Variants in NKAIN2 observed in about 807,000 individuals in gnomAD.
The protein encoded by NKAIN2 is sodium/potassium transporting ATPase interacting 2, also known as sodium/potassium-transporting ATPase subunit beta-1-interacting protein 2.
Under a neutral mutation model 32.6 loss-of-function variants are expected in NKAIN2, and 14 were observed. The observed-to-expected ratio is 0.43, with a 90% confidence interval of 0.28 to 0.67. NKAIN2 has a LOEUF of 0.67. Ranked by LOEUF, NKAIN2 falls within the 30% of genes least tolerant of loss-of-function variation. The pLI is 0.17. For synonymous variants in NKAIN2, 80 were observed against 87.2 expected, an observed-to-expected ratio of 0.92 and a Z score of 0.46; for missense variants, 198 against 258.3, an observed-to-expected ratio of 0.77 and a Z score of 1.60.
At chr6:124,675,086 C>T (rs575685109) in intron 4 of NKAIN2, among the ~76,000 whole-genome samples, 1 of 152,030 alleles carries the variant, frequency 6.6e-6, no homozygotes, top group Admixed American at 6.5e-5. Context: ...TGAATTTTGT[C>T]AAATGCTTTT....
chr6:124,027,202 C>T (rs1337760679), intron 1 of NKAIN2, among the ~76,000 whole-genome samples: 2 of 150,564 alleles, frequency 1.3e-5, no homozygotes, highest in Non-Finnish European at 2.9e-5. Context: ...TGCAATAGCA[C>T]GATCTCAGCT....
chr6:124,398,093 A>T (rs1773465722), intron 3 of NKAIN2, among the ~76,000 whole-genome samples: 1 of 151,268 alleles, frequency 6.6e-6, no homozygotes, highest in Non-Finnish European at 1.5e-5. Flanking sequence ...CTGTACTAAA[A>T]CTACAAAAAA....
chr6:124,619,032 G>GA lies in NKAIN2; in HGVS notation c.274-39144dup, dbSNP rs112152334. 1.3e-3 allele frequency among the ~76,000 whole-genome samples: 193 copies of GA among 146,964 alleles called. 1 individual carries two copies. Among genetic ancestry groups the GA allele is most frequent in the African/African-American group, 3.7e-3 (150 of 40,126 alleles). ...CTAAATCTAAGGTTTCCACAAAATT[G>GA]AAAAAAAAAATCACTCTCCTCCCAA... is the stretch of plus-strand genomic sequence containing the variant. On this transcript the variant is annotated intron_variant, in intron 3 of 6. Coordinates refer to ENST00000368417, the MANE Select transcript of NKAIN2 (RefSeq NM_001040214.3).
At chr6:124,139,759 A>C (rs944253760) in intron 1 of NKAIN2, among the ~76,000 whole-genome samples, 1 of 152,166 alleles carries the variant, frequency 6.6e-6, no homozygotes, top group Non-Finnish European at 1.5e-5. Context: ...TTTTCATGTC[A>C]TTCTTCCTTA....
At chr6:123,913,880 A>G (rs1268795832) in intron 1 of NKAIN2, among the ~76,000 whole-genome samples, 2 of 152,150 alleles carry the variant, frequency 1.3e-5, no homozygotes, top group Admixed American at 6.6e-5. Flanking sequence ...TAATATCATA[A>G]TTCTTCCCAT....
chr6:124,519,118 G>A (rs1779030580), intron 3 of NKAIN2, among the ~76,000 whole-genome samples: 1 of 152,148 alleles, frequency 6.6e-6, no homozygotes, highest in Admixed American at 6.5e-5. Context: ...CACTACTTGT[G>A]AGATCAGTTA....
Position 124,823,320 on chromosome 6 carries a change from T to A in NKAIN2, c.*91T>A. 1.2e-6 allele frequency: 1 copy of A among 862,564 alleles called. No individual in the cohort carries two copies. 53.4% of individuals were successfully genotyped at this position (862,564 alleles called of 1,614,324 possible). A position where few individuals can be genotyped will look rare whatever the true frequency, so the allele number is the denominator to read the frequency against. On this transcript the variant is annotated 3_prime_UTR_variant, in exon 7 of 7. Coordinates refer to ENST00000368417, the MANE Select transcript of NKAIN2 (RefSeq NM_001040214.3). ...CATTTCATGAAGAGCAAGAAGCAAC[T>A]GAGTTTAAATACATACACGTATTAA...
chr6:124,648,892 A>G (rs1404914941), intron 3 of NKAIN2, among the ~76,000 whole-genome samples: 3 of 152,228 alleles, frequency 2.0e-5, no homozygotes, highest in Non-Finnish European at 4.4e-5. Flanking sequence ...TAAATAGCAC[A>G]TGGGTCAAGA....
intron 6 of NKAIN2, among the ~76,000 whole-genome samples, chr6:124,820,493 A>C (rs1221229407): frequency 6.6e-6 from 1 of 152,234 alleles, no homozygotes; most frequent in Non-Finnish European, 1.5e-5. Flanking sequence ...AATAAACATA[A>C]TTCATTAGTG....
At chr6:124,558,193 C>CT (rs975059097) in intron 3 of NKAIN2, among the ~76,000 whole-genome samples, 14 of 152,100 alleles carry the variant, frequency 9.2e-5, no homozygotes, top group Admixed American at 6.5e-4. Context: ...AGACAGAATG[C>CT]TTTTTTTCCT....
intron 3 of NKAIN2, among the ~76,000 whole-genome samples, chr6:124,366,025 A>G (rs1799501776): frequency 6.6e-6 from 1 of 152,110 alleles, no homozygotes; most frequent in Admixed American, 6.6e-5. Context: ...AGATATTAAA[A>G]GAGTAGAAAT....
At chr6:124,001,887 A>G (rs1324834372) in intron 1 of NKAIN2, among the ~76,000 whole-genome samples, 1 of 150,046 alleles carries the variant, frequency 6.7e-6, no homozygotes, top group Non-Finnish European at 1.5e-5. Context: ...GAGGAACATT[A>G]TTTGCCATGC....
At chr6:124,736,972 AG>A (rs1210079057) in intron 4 of NKAIN2, among the ~76,000 whole-genome samples, 3 of 152,008 alleles carry the variant, frequency 2.0e-5, no homozygotes, top group Admixed American at 6.6e-5. Context: ...TGAAGGAGTT[AG>A]GCAAAGTAAA....
intron 3 of NKAIN2, among the ~76,000 whole-genome samples, chr6:124,474,845 ATATATACATATATATTT>A (rs201463807): frequency 3.7e-4 from 22 of 58,950 alleles, no homozygotes; most frequent in Admixed American, 7.7e-4. Flanking sequence ...TACATATATA[ATATATACATATATATTT>A]TATATACATA....
intron 1 of NKAIN2, among the ~76,000 whole-genome samples, chr6:123,959,386 A>C (rs1349075895): frequency 6.6e-6 from 1 of 152,182 alleles, no homozygotes; most frequent in Non-Finnish European, 1.5e-5. Context: ...CTACTCTGCC[A>C]GGAGTCCTTC....
intron 4 of NKAIN2, among the ~76,000 whole-genome samples, chr6:124,727,090 C>G (rs1776363713): frequency 6.6e-6 from 1 of 152,082 alleles, no homozygotes; most frequent in Non-Finnish European, 1.5e-5. Flanking sequence ...ATTGGTGTAC[C>G]TGAAAGTGAA....
At chr6:124,108,554 C>T (rs866484863) in intron 1 of NKAIN2, among the ~76,000 whole-genome samples, 6 of 151,940 alleles carry the variant, frequency 3.9e-5, no homozygotes, top group Non-Finnish European at 8.8e-5. Context: ...TATAGTCTTA[C>T]TTGTCTCTTT....
At chr6:123,841,187 ATCT>A (rs978004859) in intron 1 of NKAIN2, among the ~76,000 whole-genome samples, 3 of 152,168 alleles carry the variant, frequency 2.0e-5, no homozygotes, top group Admixed American at 6.5e-5. Context: ...AAGCTTAAAC[ATCT>A]TCTTTTTTCT....
At chr6:124,462,857 T>C (rs763875720) in intron 3 of NKAIN2, among the ~76,000 whole-genome samples, 17 of 152,028 alleles carry the variant, frequency 1.1e-4, no homozygotes, top group Admixed American at 7.2e-4. Context: ...GAACACAAAA[T>C]ACTCTGACAT....
Sources: gnomAD v4.1 joint callset for allele counts (sites outside exome capture counted in the v4.1 genomes callset) on GRCh38, gnomAD v4.1.1 for gene constraint, MANE v1.5 for transcripts, NCBI Gene and HGNC (gene_info 2026-07-23, HGNC 2026-07-21) for gene names.